CHST9: variants seen among roughly 807,000 people sequenced by gnomAD.
The protein encoded by CHST9 is carbohydrate sulfotransferase 9.
CHST9 carries 41 observed loss-of-function variants against 44.4 expected under a neutral mutation model. The observed-to-expected ratio is 0.92, with a 90% confidence interval of 0.72 to 1.20. CHST9 has a LOEUF of 1.20. CHST9 is among the 50% of genes most tolerant of loss of function. The pLI is 0.00. For synonymous variants in CHST9, 171 were observed against 178.4 expected (o/e 0.96, Z 0.33); for missense variants, 504 against 516.5 (o/e 0.98, Z 0.23).
chr18:27,104,536 G>A (rs1001984696), intron 2 of CHST9, among the ~76,000 whole-genome samples: 4 of 152,184 alleles, frequency 2.6e-5, no homozygotes, highest in African/African-American at 9.7e-5. Context: ...GCATATAAGA[G>A]TGATTCTTGC....
Position 27,122,688 on chromosome 18 carries a change from C to T in CHST9, c.121+20001G>A, listed in dbSNP as rs186823169. ...GCTGAAAGAGTGAAGGAGAAAAAGG[C>T]AAATTTGATGCATGTGGAAGCAAAA... On this transcript the variant is annotated intron_variant, in intron 2 of 5. Coordinates refer to ENST00000618847, the MANE Select transcript of CHST9 (RefSeq NM_031422.6). 6.8e-4 allele frequency among the ~76,000 whole-genome samples: 104 copies of T among 152,148 alleles called. 1 individual carries two copies. The highest frequency in any genetic ancestry group is 3.4e-3 in the Middle Eastern group (1 of 294).
chr18:27,076,702 C>A (rs1483846641), intron 2 of CHST9, among the ~76,000 whole-genome samples: 2 of 152,178 alleles, frequency 1.3e-5, no homozygotes, highest in Non-Finnish European at 2.9e-5. Context: ...GGTCTTGCAA[C>A]TTAAATTCAG....
At chr18:27,025,839 T>C (rs1353063484) in intron 3 of CHST9, among the ~76,000 whole-genome samples, 1 of 152,164 alleles carries the variant, frequency 6.6e-6, no homozygotes, top group African/African-American at 2.4e-5. Flanking sequence ...AAGAATATTG[T>C]TTAGACTAGA....
chr18:27,079,805 C>T (rs919068206), intron 2 of CHST9, among the ~76,000 whole-genome samples: 8 of 152,096 alleles, frequency 5.3e-5, no homozygotes, highest in African/African-American at 1.2e-4. Context: ...CTTCTAGAGG[C>T]GGCCTATATT....
At chr18:26,926,348 A>G (rs1183829560) in intron 5 of CHST9, among the ~76,000 whole-genome samples, 1 of 152,150 alleles carries the variant, frequency 6.6e-6, no homozygotes, top group African/African-American at 2.4e-5. Context: ...AAGCCAAACA[A>G]GCTTAAAATA....
chr18:27,137,466 C>T (rs1001388069), intron 2 of CHST9, among the ~76,000 whole-genome samples: 1 of 151,576 alleles, frequency 6.6e-6, no homozygotes, highest in Non-Finnish European at 1.5e-5. Flanking sequence ...TCCCAGGCTC[C>T]TGAAACTGAG....
chr18:27,078,527 T>G (rs2057929488), intron 2 of CHST9, among the ~76,000 whole-genome samples: 3 of 152,102 alleles, frequency 2.0e-5, no homozygotes, highest in African/African-American at 7.2e-5. Flanking sequence ...CTTAAAAACA[T>G]CTTAAAAACA....
chr18:26,947,049 T>G (rs962898683), intron 4 of CHST9, among the ~76,000 whole-genome samples: 1 of 152,232 alleles, frequency 6.6e-6, no homozygotes, highest in African/African-American at 2.4e-5. Flanking sequence ...TTTCTAATTC[T>G]GTGAAGAAAG....
intron 1 of CHST9, among the ~76,000 whole-genome samples, chr18:27,182,478 T>A (rs1323019806): frequency 6.6e-6 from 1 of 152,188 alleles, no homozygotes; most frequent in Non-Finnish European, 1.5e-5. Context: ...CATCACTATC[T>A]TTTTCCTCAA....
chr18:27,084,551 C>T (rs1229540674), intron 2 of CHST9, among the ~76,000 whole-genome samples: 2 of 149,934 alleles, frequency 1.3e-5, no homozygotes, highest in African/African-American at 2.4e-5. Flanking sequence ...TATTCTTTAT[C>T]AGTCTAGTTA....
chr18:26,909,147 G>A lies in CHST9; in HGVS notation c.*7112C>T, dbSNP rs145040785. ...CTAGTTCTTGCACTTGGCAGACTTCGGACGCCAAGTTTCTGCTTCAGTGCT... is the reference window on the plus strand; with the variant it reads ...CTAGTTCTTGCACTTGGCAGACTTCAGACGCCAAGTTTCTGCTTCAGTGCT... On this transcript the variant is annotated 3_prime_UTR_variant, in exon 6 of 6. Transcript: ENST00000618847. The A allele has an allele frequency of 2.0e-5, 3 of 152,278 alleles. No individual in the cohort carries two copies. Among genetic ancestry groups the A allele is most frequent in the African/African-American group, 7.2e-5 (3 of 41,564 alleles). 9.4% of individuals were successfully genotyped at this position (152,278 alleles called of 1,614,324 possible). A position where few individuals can be genotyped will look rare whatever the true frequency, so the allele number is the denominator to read the frequency against.
At chr18:27,045,991 C>T (rs1176237267) in intron 3 of CHST9, among the ~76,000 whole-genome samples, 1 of 152,028 alleles carries the variant, frequency 6.6e-6, no homozygotes, top group Non-Finnish European at 1.5e-5. Flanking sequence ...ATGAAAGCCA[C>T]TTAAGTTTTG....
chr18:27,065,102 T>C (rs1028985808), intron 2 of CHST9, among the ~76,000 whole-genome samples: 1 of 152,236 alleles, frequency 6.6e-6, no homozygotes, highest in African/African-American at 2.4e-5. Flanking sequence ...TCTTGAAGAC[T>C]GGATAATGTC....
chr18:26,929,080 G>A (rs2055829584), intron 5 of CHST9, among the ~76,000 whole-genome samples: 1 of 152,126 alleles, frequency 6.6e-6, no homozygotes, highest in South Asian at 2.1e-4. Flanking sequence ...TCTCAATTCT[G>A]TCTTCCTATA....
At chr18:27,169,287 A>T (rs2058815186) in intron 1 of CHST9, among the ~76,000 whole-genome samples, 1 of 152,226 alleles carries the variant, frequency 6.6e-6, no homozygotes, top group African/African-American at 2.4e-5. Flanking sequence ...GAATACATAA[A>T]TTTAGAAGTC....
In CHST9 at chr18:27,083,157, G is replaced by C. The variant is rs185301545; in HGVS notation, c.122-34654C>G. Reference sequence around the variant, plus strand: ...TGGATATAGATATACAGGTAAATACGCACACTCATCAACTCCTATTTAACT... The same window carrying C: ...TGGATATAGATATACAGGTAAATACCCACACTCATCAACTCCTATTTAACT... On this transcript the variant is annotated intron_variant, in intron 2 of 5. Coordinates refer to ENST00000618847, the MANE Select transcript of CHST9 (RefSeq NM_031422.6). 4.4e-3 allele frequency among the ~76,000 whole-genome samples: 669 copies of C among 152,176 alleles called. 4 individuals are homozygous for C. Among genetic ancestry groups the C allele is most frequent in the African/African-American group, 0.016 (649 of 41,532 alleles).
chr18:26,997,451 C>T (rs1480926105), intron 4 of CHST9, among the ~76,000 whole-genome samples: 1 of 152,146 alleles, frequency 6.6e-6, no homozygotes, highest in South Asian at 2.1e-4. Flanking sequence ...TGAAGAGGAT[C>T]TCATGGCATG....
intron 4 of CHST9, among the ~76,000 whole-genome samples, chr18:26,944,993 T>A (rs1363779088): frequency 6.6e-6 from 1 of 152,192 alleles, no homozygotes; most frequent in African/African-American, 2.4e-5. Context: ...ATATAATATA[T>A]TTCTCTGTCA....
At chr18:27,065,981 G>A (rs2057778198) in intron 2 of CHST9, among the ~76,000 whole-genome samples, 2 of 152,152 alleles carry the variant, frequency 1.3e-5, no homozygotes, top group African/African-American at 2.4e-5. Flanking sequence ...TGTGGCATAA[G>A]CAGAAAATGA....
Sources: allele counts gnomAD v4.1 joint callset (sites outside exome capture counted in the v4.1 genomes callset), GRCh38; gene constraint gnomAD v4.1.1; transcripts MANE v1.5; gene names NCBI Gene and HGNC (gene_info 2026-07-23, HGNC 2026-07-21).